Variants in FAM149A observed in about 807,000 individuals in gnomAD.
The protein encoded by FAM149A is family with sequence similarity 149 member A.
In FAM149A, 71 loss-of-function variants were observed where a neutral mutation model predicts 78.2. The observed-to-expected ratio is 0.91, with a 90% CI of 0.75 to 1.11. FAM149A has a LOEUF of 1.11. Among genes scored for constraint, FAM149A ranks in the 50% least tolerant of loss-of-function variants. FAM149A has a pLI of 0.00. For missense variants in FAM149A, 1,036 were observed against 971.0 expected (o/e 1.07, Z -0.89); for synonymous variants, 446 against 410.5 (o/e 1.09, Z -1.04).
chr4:186,123,957 T>C (rs2099317148), intron 1 of FAM149A: 1 of 985,076 alleles, frequency 1.0e-6, no homozygotes, highest in Admixed American at 6.2e-5. Flanking sequence ...TTCTAAAAAT[T>C]TGCCATCTTA....
chr4:186,158,184 C>G (rs559966721), intron 8 of FAM149A: 2 of 1,280,016 alleles, frequency 1.6e-6, no homozygotes, highest in South Asian at 2.6e-5. Context: ...ACCAGAGCCA[C>G]TCCAGCTGCT....
At chr4:186,143,549 T>C (rs1364868614) in intron 1 of FAM149A, among the ~76,000 whole-genome samples, 1 of 152,038 alleles carries the variant, frequency 6.6e-6, no homozygotes, top group Non-Finnish European at 1.5e-5. Context: ...ACTGTTTTGT[T>C]TGTGTTTGTT....
At chr4:186,136,988 C>CTCTCTT (rs2099323416) in intron 1 of FAM149A, among the ~76,000 whole-genome samples, 4 of 121,602 alleles carry the variant, frequency 3.3e-5, no homozygotes, top group African/African-American at 1.2e-4. Context: ...CTCTCTCTCT[C>CTCTCTT]TCTCTCTCTC....
chr4:186,116,820 C>A, intron 1 of FAM149A: 2 of 957,352 alleles, frequency 2.1e-6, no homozygotes, highest in Non-Finnish European at 2.5e-6. Flanking sequence ...TGAGTGTTTT[C>A]TAAGTTCTTA....
chr4:186,148,818 C>T (rs1011522354), intron 1 of FAM149A, among the ~76,000 whole-genome samples: 4 of 152,142 alleles, frequency 2.6e-5, no homozygotes, highest in Admixed American at 2.6e-4. Flanking sequence ...CAAGGGACAA[C>T]TGGGACCTGA....
intron 3 of FAM149A, among the ~76,000 whole-genome samples, chr4:186,150,471 G>C (rs1250128680): frequency 6.5e-5 from 8 of 122,156 alleles, no homozygotes; most frequent in South Asian, 3.3e-4. Flanking sequence ...CCAGGCTGGA[G>C]TGCAGGGGCG....
At chr4:186,136,988 C>CTCTCTCTCTCTCTCTCTCTCTT (rs2099323427) in intron 1 of FAM149A, among the ~76,000 whole-genome samples, 2 of 121,518 alleles carry the variant, frequency 1.6e-5, no homozygotes, top group African/African-American at 3.1e-5. Context: ...CTCTCTCTCT[C>CTCTCTCTCTCTCTCTCTCTCTT]TCTCTCTCTC....
At chr4:186,145,369 C>T (rs1171211782) in intron 1 of FAM149A, among the ~76,000 whole-genome samples, 1 of 152,152 alleles carries the variant, frequency 6.6e-6, no homozygotes, top group Admixed American at 6.5e-5. Context: ...GGAGCGGCTT[C>T]CCATGGCCAC....
At chr4:186,152,215 A>C (rs944478366) in intron 4 of FAM149A, among the ~76,000 whole-genome samples, 170 bp downstream of exon 4, 4 of 152,198 alleles carry the variant, frequency 2.6e-5, no homozygotes, top group Non-Finnish European at 4.4e-5. Flanking sequence ...GCGTCTGAGG[A>C]AATACTGAGA....
chr4:186,159,748 G>T (rs986658783), intron 8 of FAM149A, among the ~76,000 whole-genome samples: 1 of 152,054 alleles, frequency 6.6e-6, no homozygotes, highest in African/African-American at 2.4e-5. Flanking sequence ...CGCAGGTGAG[G>T]CTGGAAAGGA....
chr4:186,160,027 C>A (rs1264706067), intron 8 of FAM149A, among the ~76,000 whole-genome samples: 4 of 144,178 alleles, frequency 2.8e-5, no homozygotes, highest in Non-Finnish European at 6.1e-5. Flanking sequence ...CACACAAACA[C>A]ACACCCCACA....
At chr4:186,154,003 C>T (rs1482152825) in intron 5 of FAM149A, among the ~76,000 whole-genome samples, 1 of 152,176 alleles carries the variant, frequency 6.6e-6, no homozygotes, top group Admixed American at 6.5e-5. Flanking sequence ...CACACATGCA[C>T]ACACATGGTA....
In FAM149A at chr4:186,155,926, G is replaced by T. The variant is rs1269602355; in HGVS notation, c.1230-74G>T. 3.4e-6 allele frequency: 4 copies of T among 1,166,388 alleles called. No homozygotes were observed. The South Asian group carries it at 4.4e-5, about 13-fold the overall frequency. The allele number at this position is 1,166,388 out of a possible 1,614,324, so 72.3% of individuals were successfully genotyped here. A position where few individuals can be genotyped will look rare whatever the true frequency, so the allele number is the denominator to read the frequency against. ...AATATATGTATACATGTACATACGT[G>T]AATGTGTGTAGATAGAATTATTTTA... On this transcript the variant is annotated intron_variant, in intron 6 of 13. Transcript: ENST00000389354.
rs1258193393 is a variant in FAM149A, at chr4:186,116,098, G to A, written c.566+10456G>A. Among the ~76,000 whole-genome samples, 33 of 20,352 alleles carry A rather than the reference G, an allele frequency of 1.6e-3. 8 individuals are homozygous for A. The highest frequency in any genetic ancestry group is 0.05 in the Middle Eastern group (2 of 40). The allele number at this position is 20,352 out of a possible 152,430, so 13.4% of individuals were successfully genotyped here. On this transcript the variant is annotated intron_variant, in intron 1 of 13. Transcript: ENST00000389354. ...CATGTGCGGGATATAATCTCCTGGC[G>A]CGCCGTTTTTTAAGCCGGTCCGAAA...
intron 1 of FAM149A, chr4:186,145,050 C>T: frequency 5.1e-6 from 5 of 983,392 alleles, no homozygotes; most frequent in Non-Finnish European, 6.0e-6. Flanking sequence ...TGACGGTGCC[C>T]GAGCCTAGCG....
At position 186,173,647 on chromosome 4, in the gene FAM149A, G is replaced by A. The variant is rs767557621; in HGVS notation, c.*1660G>A. ...GCTGGGATTATAGGCGTGAGCTTCC[G>A]CGCCTGGCCAGCTGACTCCATTTCT... On this transcript the variant is annotated 3_prime_UTR_variant, in exon 14 of 14. Coordinates refer to ENST00000389354, the MANE Select transcript of FAM149A (RefSeq NM_001367768.3). Among the ~76,000 whole-genome samples the A allele has an allele frequency of 3.6e-5, 4 of 111,002 alleles. 1 individual carries two copies. The highest frequency in any genetic ancestry group is 9.1e-5 in the Non-Finnish European group (4 of 44,144). The allele number at this position is 111,002 out of a possible 152,430, so 72.8% of individuals were successfully genotyped here. A position where few individuals can be genotyped will look rare whatever the true frequency, so the allele number is the denominator to read the frequency against.
intron 1 of FAM149A, among the ~76,000 whole-genome samples, chr4:186,121,576 T>A (rs1229763807): frequency 6.6e-6 from 1 of 152,234 alleles, no homozygotes; most frequent in African/African-American, 2.4e-5. Context: ...ATGTCAGAAT[T>A]ACATTGAGAA....
intron 1 of FAM149A, chr4:186,132,132 C>T: frequency 1.0e-6 from 1 of 985,430 alleles, no homozygotes; most frequent in Non-Finnish European, 1.2e-6. Flanking sequence ...AATCATTTGA[C>T]AAATTACCTT....
At position 186,125,925 on chromosome 4, in the gene FAM149A, G is replaced by C. The variant is rs568331611; in HGVS notation, c.566+20283G>C. 6 of 985,316 alleles carry C rather than the reference G, an allele frequency of 6.1e-6. No homozygotes were observed. The African/African-American group carries it at 1.0e-4, about 17-fold the overall frequency. 61.0% of individuals were successfully genotyped at this position (985,316 alleles called of 1,614,324 possible). A position where few individuals can be genotyped will look rare whatever the true frequency, so the allele number is the denominator to read the frequency against. On this transcript the variant is annotated intron_variant, in intron 1 of 13. Coordinates refer to ENST00000389354, the MANE Select transcript of FAM149A (RefSeq NM_001367768.3). ...TCTCTGTGTCCTGCAGACTCGCACTGGCAAGAGCGCGAGGTAACAGCCTGT... is the reference window on the plus strand; with the variant it reads ...TCTCTGTGTCCTGCAGACTCGCACTCGCAAGAGCGCGAGGTAACAGCCTGT...
Sources: gnomAD v4.1 joint callset for allele counts (sites outside exome capture counted in the v4.1 genomes callset) on GRCh38, gnomAD v4.1.1 for gene constraint, MANE v1.5 for transcripts, NCBI Gene and HGNC (gene_info 2026-07-23, HGNC 2026-07-21) for gene names.